Variants in TNR observed in about 807,000 individuals in gnomAD.
TNR encodes tenascin R, also known as tenascin-R.
In TNR, 45 loss-of-function variants were observed where a neutral mutation model predicts 150.4. The observed-to-expected ratio is 0.30, with a 90% CI of 0.24 to 0.38. The LOEUF is 0.38. TNR is among the 10% of genes least tolerant of loss of function. TNR has a pLI of 1.00. For synonymous variants in TNR, 687 were observed against 678.4 expected, an observed-to-expected ratio of 1.01 and a Z score of -0.20; for missense variants, 1,544 against 1,759.1, an observed-to-expected ratio of 0.88 and a Z score of 2.19.
intron 2 of TNR, among the ~76,000 whole-genome samples, chr1:175,461,367 C>T (rs973995658): frequency 2.6e-5 from 4 of 152,174 alleles, no homozygotes; most frequent in Non-Finnish European, 5.9e-5. Flanking sequence ...TGTTTTACCT[C>T]CCCTGGCTCA....
chr1:175,436,621 G>A (rs950213687), intron 2 of TNR, among the ~76,000 whole-genome samples: 2 of 152,128 alleles, frequency 1.3e-5, no homozygotes, highest in African/African-American at 4.8e-5. Context: ...TCAGTGTGCT[G>A]TATTCAGGAA....
chr1:175,506,253 G>T (rs1658952612), intron 2 of TNR, among the ~76,000 whole-genome samples: 1 of 152,170 alleles, frequency 6.6e-6, no homozygotes, highest in Non-Finnish European at 1.5e-5. Context: ...ATTCAAGAGT[G>T]CCTTTCTGTT....
chr1:175,537,082 T>C (rs1660320452), intron 1 of TNR, among the ~76,000 whole-genome samples: 1 of 152,184 alleles, frequency 6.6e-6, no homozygotes, highest in Admixed American at 6.5e-5. Flanking sequence ...AATGTTTCAT[T>C]ACCAGGAGGC....
chr1:175,669,946 T>A (rs577353366), intron 1 of TNR, among the ~76,000 whole-genome samples: 1 of 152,324 alleles, frequency 6.6e-6, no homozygotes, highest in Admixed American at 6.5e-5. Flanking sequence ...GGGTCAGGCT[T>A]GGGCCCTTGG....
At chr1:175,578,792 A>G (rs1662222487) in intron 1 of TNR, among the ~76,000 whole-genome samples, 1 of 152,206 alleles carries the variant, frequency 6.6e-6, no homozygotes, top group African/African-American at 2.4e-5. Flanking sequence ...CAGCCTGGCA[A>G]TTAGTGTGTC....
At chr1:175,597,616 A>C (rs1433580099) in intron 1 of TNR, among the ~76,000 whole-genome samples, 2 of 152,170 alleles carry the variant, frequency 1.3e-5, no homozygotes, top group East Asian at 3.9e-4. Flanking sequence ...GCTTGTCTAT[A>C]CCTGCTGATG....
chr1:175,674,615 C>T (rs1571739458), intron 1 of TNR, among the ~76,000 whole-genome samples: 1 of 152,148 alleles, frequency 6.6e-6, no homozygotes, highest in Non-Finnish European at 1.5e-5. Context: ...CCAACCAACC[C>T]CTTTGCTAAA....
chr1:175,706,038 A>T (rs924399158), intron 1 of TNR, among the ~76,000 whole-genome samples: 1 of 152,184 alleles, frequency 6.6e-6, no homozygotes, highest in Non-Finnish European at 1.5e-5. Flanking sequence ...GGCCTAGGGG[A>T]TAGAGTCAGC....
intron 1 of TNR, among the ~76,000 whole-genome samples, chr1:175,644,540 A>G (rs1215379590): frequency 6.6e-6 from 1 of 152,240 alleles, no homozygotes. Flanking sequence ...ATTCCTCAGC[A>G]GCCCTCATCC....
intron 1 of TNR, among the ~76,000 whole-genome samples, chr1:175,573,630 G>C (rs1400280898): frequency 6.6e-6 from 1 of 152,240 alleles, no homozygotes; most frequent in Non-Finnish European, 1.5e-5. Flanking sequence ...TGTTGCTAAA[G>C]AAGGCCATAA....
intron 4 of TNR, among the ~76,000 whole-genome samples, chr1:175,398,124 C>T (rs1178818025): frequency 6.6e-6 from 1 of 152,144 alleles, no homozygotes; most frequent in Non-Finnish European, 1.5e-5. Context: ...AGAGTGCTGT[C>T]TCCTCATTGT....
intron 9 of TNR, among the ~76,000 whole-genome samples, chr1:175,373,412 G>A (rs1652196811): frequency 6.6e-6 from 1 of 152,146 alleles, no homozygotes; most frequent in African/African-American, 2.4e-5. Context: ...ATGGAGATCT[G>A]AGCAGTCAGC....
At chr1:175,448,094 G>C (rs1307195912) in intron 2 of TNR, among the ~76,000 whole-genome samples, 1 of 152,206 alleles carries the variant, frequency 6.6e-6, no homozygotes, top group Non-Finnish European at 1.5e-5. Context: ...GCAGCACCCA[G>C]TGACCTCCAC....
intron 1 of TNR, among the ~76,000 whole-genome samples, chr1:175,545,224 G>A (rs954393382): frequency 6.6e-6 from 1 of 152,188 alleles, no homozygotes; most frequent in Non-Finnish European, 1.5e-5. Flanking sequence ...AGGGTCAAAA[G>A]TGACAGAGAG....
intron 1 of TNR, among the ~76,000 whole-genome samples, chr1:175,697,644 A>G (rs916043618): frequency 9.9e-5 from 15 of 151,716 alleles, no homozygotes; most frequent in African/African-American, 3.4e-4. Flanking sequence ...CTTTCCCCTC[A>G]CCTGAGATGG....
intron 1 of TNR, among the ~76,000 whole-genome samples, chr1:175,598,056 CA>C (rs1663078282): frequency 6.6e-6 from 1 of 152,108 alleles, no homozygotes; most frequent in Non-Finnish European, 1.5e-5. Flanking sequence ...TCTTTCAGGC[CA>C]CTACACACAG....
At chr1:175,664,402 T>G (rs1255415798) in intron 1 of TNR, among the ~76,000 whole-genome samples, 1 of 152,206 alleles carries the variant, frequency 6.6e-6, no homozygotes, top group East Asian at 1.9e-4. Flanking sequence ...TGTGTGAATG[T>G]CTGTAGGTAA....
intron 1 of TNR, among the ~76,000 whole-genome samples, chr1:175,622,592 A>C (rs1462194478): frequency 6.6e-6 from 1 of 152,194 alleles, no homozygotes; most frequent in African/African-American, 2.4e-5. Context: ...TTAAGGCCCC[A>C]GTATGGGCAT....
intron 1 of TNR, among the ~76,000 whole-genome samples, chr1:175,722,294 G>A (rs1667326570): frequency 6.6e-6 from 1 of 152,108 alleles, no homozygotes. Context: ...TCTGCCTCAT[G>A]AATCAAATCC....
Sources: gnomAD v4.1 joint callset for allele counts (sites outside exome capture counted in the v4.1 genomes callset) on GRCh38, gnomAD v4.1.1 for gene constraint, MANE v1.5 for transcripts, NCBI Gene and HGNC (gene_info 2026-07-23, HGNC 2026-07-21) for gene names.